KLK15: variants seen among roughly 807,000 people sequenced by gnomAD.
The protein encoded by KLK15 is kallikrein-15.
KLK15 carries 19 observed loss-of-function variants against 21.1 expected under a neutral mutation model. The observed-to-expected ratio is 0.90, with a 90% CI of 0.63 to 1.32. The LOEUF (loss-of-function observed/expected upper bound fraction) is 1.32, where lower values mean the gene tolerates loss of function less well. Ranked by LOEUF, KLK15 falls within the 40% of genes most tolerant of loss-of-function variation. The pLI is 0.00. For missense variants in KLK15, 345 were observed against 348.6 expected (o/e 0.99, Z 0.08); for synonymous variants, 141 against 141.5 (o/e 1.00, Z 0.03).
downstream of KLK15, chr19:50,825,601 G>A (rs36217918): frequency 3.9e-4 from 192 of 495,690 alleles, no homozygotes; most frequent in African/African-American, 3.2e-3. Context: ...TTGGATCAGC[G>A]CTTTGTTATC....
intron 1 of KLK15, among the ~76,000 whole-genome samples, chr19:50,830,188 G>C (rs1290728135): frequency 4.1e-5 from 5 of 120,862 alleles, no homozygotes; most frequent in Admixed American, 1.8e-4. Flanking sequence ...CACACACACA[G>C]AATGGCATTA....
At chr19:50,827,624 C>G in intron 2 of KLK15, 38 bp downstream of exon 3, 1 of 1,593,846 alleles carries the variant, frequency 6.3e-7, no homozygotes, top group South Asian at 1.1e-5. Context: ...TCCCCCCGAA[C>G]CAGGCTCCCT....
At chr19:50,825,645 T>C (rs2089867065), downstream of KLK15, 2 of 678,946 alleles carry the variant, frequency 2.9e-6, no homozygotes, top group Non-Finnish European at 4.7e-6. Flanking sequence ...AGCGCCAGCT[T>C]TGTCCTCAGG....
At chr19:50,827,254 G>A in intron 2 of KLK15, 93 bp from the exon 4 acceptor site, 1 of 1,276,624 alleles carries the variant, frequency 7.8e-7, no homozygotes, top group Non-Finnish European at 1.1e-6. Context: ...GGCAACCCGA[G>A]GTCTCCCGAC....
chr19:50,832,327 T>TTTC (rs1555766960), upstream of KLK15, among the ~76,000 whole-genome samples: 7 of 134,172 alleles, frequency 5.2e-5, 1 homozygote, highest in African/African-American at 2.2e-4. Context: ...TTTTTCTTTT[T>TTTC]TTTTTTTTTT....
intron 2 of KLK15, 112 bp downstream of exon 3, chr19:50,827,550 C>T: frequency 1.7e-6 from 2 of 1,149,200 alleles, no homozygotes; most frequent in Non-Finnish European, 2.4e-6. Flanking sequence ...ATCCGGCCTC[C>T]TCGTCTTTCA....
At chr19:50,826,557 A>G in intron 4 of KLK15, 64 bp downstream of exon 5, 1 of 1,502,954 alleles carries the variant, frequency 6.7e-7, no homozygotes, top group Non-Finnish European at 8.9e-7. Flanking sequence ...ATCCAACCCC[A>G]TCCGGACTCC....
At chr19:50,829,053 CAT>C (rs34600671) in intron 1 of KLK15, among the ~76,000 whole-genome samples, 55,938 of 146,438 alleles carry the variant, frequency 0.38, 11,396 homozygotes, top group Middle Eastern at 0.44. Flanking sequence ...GACATGAATA[CAT>C]ACACACACAC....
At chr19:50,826,062 C>T (rs1599948929) in intron 4 of KLK15, 114 bp from the exon 6 acceptor site, 1 of 1,080,868 alleles carries the variant, frequency 9.3e-7, no homozygotes, top group Non-Finnish European at 1.3e-6. Context: ...CCAGGGAACC[C>T]CAACCCAACT....
chr19:50,831,157 A>C, intron 1 of KLK15: 1 of 311,312 alleles, frequency 3.2e-6, no homozygotes, highest in Non-Finnish European at 5.9e-6. Flanking sequence ...AGTTCCCTCA[A>C]GGACACACAG....
chr19:50,828,792 A>G (rs2089928290), intron 1 of KLK15, among the ~76,000 whole-genome samples: 1 of 151,004 alleles, frequency 6.6e-6, no homozygotes, highest in Non-Finnish European at 1.5e-5. Flanking sequence ...ATATGGGGAA[A>G]CCCTGTCTCT....
chr19:50,827,676 G>T (rs3745522), exon 2 of KLK15: 425,883 of 1,609,950 alleles, frequency 0.26, 70,848 homozygotes, highest in Admixed American at 0.46. Flanking sequence ...TTTGGCAGTG[G>T]GCCGCAGACA....
intron 1 of KLK15, 134 bp from the exon 3 acceptor site, chr19:50,827,949 G>GT (rs55904101): frequency 1 from 854,099 of 857,256 alleles, 425,478 homozygotes; most frequent in African/African-American, 1. Context: ...CCCTGTTTTT[G>GT]TTTGTTGTTG....
At chr19:50,825,592 T>C, downstream of KLK15, 1 of 471,602 alleles carries the variant, frequency 2.1e-6, no homozygotes, top group Non-Finnish European at 3.7e-6. Flanking sequence ...CAGAGCAACT[T>C]GGATCAGCGC....
At chr19:50,826,113 C>A in intron 4 of KLK15, 165 bp from the exon 6 acceptor site, 1 of 606,974 alleles carries the variant, frequency 1.6e-6, no homozygotes. Context: ...AGAGCCAACC[C>A]AACCCCAACC....
chr19:50,829,156 G>A (rs143962377), intron 1 of KLK15, among the ~76,000 whole-genome samples: 1 of 151,360 alleles, frequency 6.6e-6, no homozygotes, highest in African/African-American at 2.4e-5. Flanking sequence ...CAGTGTCACA[G>A]ACACTTGCAT....
At chr19:50,827,247 A>AGAACGTT in intron 2 of KLK15, 86 bp from the exon 4 acceptor site, 72 of 1,345,982 alleles carry the variant, frequency 5.3e-5, no homozygotes, top group Non-Finnish European at 6.8e-5. Context: ...AAGAGTGGGC[A>AGAACGTT]ACCCGAGGTC....
chr19:50,827,190 T>C (rs1251884024), intron 2 of KLK15, 29 bp from the exon 4 acceptor site: 1 of 1,554,716 alleles, frequency 6.4e-7, no homozygotes, highest in African/African-American at 1.3e-5. Flanking sequence ...TTCCCGCCAG[T>C]GGAGTGCGGG....
chr19:50,826,911 C>T (rs763136204), exon 3 of KLK15: 1 of 1,577,174 alleles, frequency 6.3e-7, no homozygotes, highest in South Asian at 1.2e-5. Flanking sequence ...GTCCCAGGCT[C>T]GTTGTGGGAC....
Sources: allele counts gnomAD v4.1 joint callset (sites outside exome capture counted in the v4.1 genomes callset), GRCh38; gene constraint gnomAD v4.1.1; transcripts MANE v1.5; gene names NCBI Gene and HGNC (gene_info 2026-07-23, HGNC 2026-07-21).